The following RMND5A variants were observed in gnomAD, a reference collection of about 807,000 sequenced individuals.
RMND5A encodes the protein required for meiotic nuclear division 5 homolog A.
A neutral mutation model predicts 49.7 loss-of-function variants in RMND5A; 17 were observed. That is an observed-to-expected ratio of 0.34 (90% CI 0.23 to 0.51). The LOEUF is 0.51. Ranked by LOEUF, RMND5A falls within the 20% of genes least tolerant of loss-of-function variation. RMND5A has a pLI of 0.96. For missense variants in RMND5A, 255 were observed against 471.3 expected, an observed-to-expected ratio of 0.54 and a Z score of 4.25; for synonymous variants, 156 against 167.7, an observed-to-expected ratio of 0.93 and a Z score of 0.54.
At position 86,738,655 on chromosome 2, in the gene RMND5A, A is replaced by G. The variant is rs1257318753; in HGVS notation, c.143-2272A>G. ...CAAAGTAAAAGCATAAGTCTTTACA[A>G]TGCCAAAGAGATCCTACCAAACCAG... On this transcript the variant is annotated intron_variant, in intron 1 of 8. Coordinates refer to ENST00000283632, the MANE Select transcript of RMND5A (RefSeq NM_022780.4). Among the ~76,000 whole-genome samples the G allele has an allele frequency of 9.3e-5, 3 of 32,264 alleles. 1 individual carries two copies. The highest frequency in any genetic ancestry group is 1.8e-4 in the Non-Finnish European group (3 of 16,516). 21.2% of individuals were successfully genotyped at this position (32,264 alleles called of 152,430 possible).
intron 4 of RMND5A, among the ~76,000 whole-genome samples, chr2:86,757,066 A>C (rs2104401068): frequency 6.6e-6 from 1 of 151,860 alleles, no homozygotes; most frequent in East Asian, 1.9e-4. Flanking sequence ...CCAGCTACTC[A>C]GGAAGGCTGA....
At chr2:86,723,890 T>A (rs1681257465) in intron 1 of RMND5A, among the ~76,000 whole-genome samples, 2 of 150,690 alleles carry the variant, frequency 1.3e-5, no homozygotes, top group Admixed American at 1.3e-4. Context: ...GTGGTCTAAA[T>A]CACCTTTAAG....
chr2:86,771,701 T>C lies in RMND5A; in HGVS notation c.1101T>C (p.Phe367=). The part of the protein sequence containing the change: ...IISRDALNKM[F]NGSKLKCPYC... ...CAAGAGATGCCCTGAATAAAATGTT[T>C]AATGGTAGCAAGTAAGTGTCTGACT... The change falls in exon 8 of 9, where the codon TTT becomes TTC. Residue 367 remains phenylalanine (F), a synonymous_variant. Coordinates refer to ENST00000283632, the MANE Select transcript of RMND5A (RefSeq NM_022780.4). 1 of 1,606,820 alleles carries C rather than the reference T, an allele frequency of 6.2e-7. No homozygotes were observed. Among genetic ancestry groups the C allele is most frequent in the Non-Finnish European group, 8.5e-7 (1 of 1,175,500 alleles).
intron 2 of RMND5A, among the ~76,000 whole-genome samples, chr2:86,744,077 A>C (rs1681496153): frequency 6.6e-6 from 1 of 151,934 alleles, no homozygotes; most frequent in African/African-American, 2.4e-5. Context: ...GAAAGCCTGG[A>C]TCTTTTAGCT....
intron 6 of RMND5A, among the ~76,000 whole-genome samples, chr2:86,768,609 G>A (rs1011040464): frequency 6.6e-6 from 1 of 152,178 alleles, no homozygotes; most frequent in Non-Finnish European, 1.5e-5. Flanking sequence ...AGCTGCTGTG[G>A]GCCCGTGGAG....
rs192175000 is a variant in RMND5A at position 86,721,251 on chromosome 2, C to T, written c.142+442C>T. 174 of 158,356 alleles carry T rather than the reference C, an allele frequency of 1.1e-3. 3 individuals carry two copies. The highest frequency in any genetic ancestry group is 1.8e-3 in the Non-Finnish European group (133 of 71,960). 9.8% of individuals were successfully genotyped at this position (158,356 alleles called of 1,614,324 possible). On this transcript the variant is annotated intron_variant, in intron 1 of 8. Coordinates refer to ENST00000283632, the MANE Select transcript of RMND5A (RefSeq NM_022780.4). ...TGAGTGATGAGGGCAGTGCAGGAAG[C>T]TCCGTTTCCCCTCTGTGCCGCCCCG...
chr2:86,746,687 T>G (rs1052921449), intron 2 of RMND5A, among the ~76,000 whole-genome samples: 2 of 152,338 alleles, frequency 1.3e-5, no homozygotes, highest in African/African-American at 4.8e-5. Flanking sequence ...TTCTCTCCTT[T>G]CCATAGAATG....
intron 4 of RMND5A, among the ~76,000 whole-genome samples, chr2:86,762,676 A>C (rs1436518090): frequency 2.5e-5 from 3 of 118,592 alleles, no homozygotes; most frequent in African/African-American, 9.5e-5. Context: ...ATATATATAT[A>C]TATCATATAT....
At chr2:86,772,851 C>G (rs565566398) in intron 8 of RMND5A, among the ~76,000 whole-genome samples, 82 of 152,140 alleles carry the variant, frequency 5.4e-4, no homozygotes, top group African/African-American at 2.0e-3. Flanking sequence ...ACCTCAGCCT[C>G]CCAGGTGTGA....
At chr2:86,761,159 G>A (rs1672481678) in intron 4 of RMND5A, among the ~76,000 whole-genome samples, 1 of 152,154 alleles carries the variant, frequency 6.6e-6, no homozygotes, top group South Asian at 2.1e-4. Context: ...TGAGGAAGCT[G>A]CTATTGTGAG....
chr2:86,720,867 G>C, intron 1 of RMND5A, 58 bp downstream of exon 1: 5 of 1,465,192 alleles, frequency 3.4e-6, no homozygotes, highest in Non-Finnish European at 4.5e-6. Flanking sequence ...CCCGGTCCCG[G>C]CCCCGCGGCG....
Position 86,775,414 on chromosome 2 carries a change from G to A in RMND5A, c.*2003G>A, listed in dbSNP as rs1672752648. The A allele has an allele frequency of 7.3e-6, 1 of 136,162 alleles. No homozygotes were observed. The highest frequency in any genetic ancestry group is 1.5e-5 in the Non-Finnish European group (1 of 65,872). The allele number at this position is 136,162 out of a possible 1,614,324, so 8.4% of individuals were successfully genotyped here. On this transcript the variant is annotated 3_prime_UTR_variant, in exon 9 of 9. Transcript: ENST00000283632. The stretch of plus-strand genomic sequence containing the variant: ...CTTTCCACCCAAACACCTACACAAC[G>A]TTTAGGCTTCCTGTAAGGTTTGAAT...
intron 4 of RMND5A, among the ~76,000 whole-genome samples, chr2:86,762,545 C>T (rs1056505221): frequency 2.6e-5 from 4 of 151,250 alleles, no homozygotes; most frequent in South Asian, 2.1e-4. Context: ...CTTGGGAGGC[C>T]GAGGCAGGAG....
rs1218398557 is a variant in RMND5A, at chr2:86,775,156, C to G, written c.*1745C>G. ...CACTGTTGGAATCCTCTTTGAAGTT[C>G]CCCCTCTCTTTGCTAAAGCAGTGAA... On this transcript the variant is annotated 3_prime_UTR_variant, in exon 9 of 9. Transcript: ENST00000283632. The G allele has an allele frequency of 1.3e-5, 2 of 152,186 alleles. No individual in the cohort carries two copies. Among genetic ancestry groups the G allele is most frequent in the African/African-American group, 4.8e-5 (2 of 41,410 alleles). 9.4% of individuals were successfully genotyped at this position (152,186 alleles called of 1,614,324 possible).
chr2:86,734,448 T>C (rs1681382117), intron 1 of RMND5A, among the ~76,000 whole-genome samples: 1 of 146,510 alleles, frequency 6.8e-6, no homozygotes, highest in Non-Finnish European at 1.5e-5. Flanking sequence ...CTTCATCCTT[T>C]TTTATTTTTA....
intron 6 of RMND5A, 37 bp from the exon 7 acceptor site, chr2:86,769,985 CT>C: frequency 6.6e-7 from 1 of 1,507,364 alleles, no homozygotes; most frequent in Non-Finnish European, 9.2e-7. Context: ...GGCCTGACCC[CT>C]GGCCTGGCAC....
At chr2:86,759,674 C>A (rs1681812952) in intron 4 of RMND5A, among the ~76,000 whole-genome samples, 1 of 146,258 alleles carries the variant, frequency 6.8e-6, no homozygotes, top group Non-Finnish European at 1.5e-5. Context: ...GTGGTGAGCA[C>A]CTGTAACCCC....
chr2:86,746,655 G>A (rs992424326), intron 2 of RMND5A, among the ~76,000 whole-genome samples: 1 of 152,168 alleles, frequency 6.6e-6, no homozygotes, highest in Non-Finnish European at 1.5e-5. Context: ...GTGCCCTGAG[G>A]GCACCCACTC....
chr2:86,750,047 T>G (rs1313637955), intron 2 of RMND5A, among the ~76,000 whole-genome samples: 2 of 152,240 alleles, frequency 1.3e-5, no homozygotes, highest in African/African-American at 4.8e-5. Flanking sequence ...AGTGGTTGAC[T>G]AGGATTGCAA....
Sources: gnomAD v4.1 joint callset for allele counts (sites outside exome capture counted in the v4.1 genomes callset) on GRCh38, gnomAD v4.1.1 for gene constraint, MANE v1.5 for transcripts, NCBI Gene and HGNC (gene_info 2026-07-23, HGNC 2026-07-21) for gene names.